Variants in HPRT1 observed in about 807,000 individuals in gnomAD.
The protein encoded by HPRT1 is hypoxanthine-guanine phosphoribosyltransferase.
In HPRT1, 4 loss-of-function variants were observed where a neutral mutation model predicts 19.0. The ratio of observed to expected loss-of-function variants is 0.21; its 90% CI spans 0.10 to 0.48. The LOEUF (loss-of-function observed/expected upper bound fraction) is 0.48, where lower values mean the gene tolerates loss of function less well. Among genes scored for constraint, HPRT1 ranks in the 20% least tolerant of loss-of-function variants. The pLI, the probability that HPRT1 is intolerant of heterozygous loss-of-function variation, is 0.98. For missense variants in HPRT1, 65 were observed against 164.0 expected (o/e 0.40, Z 3.30); for synonymous variants, 53 against 54.9 (o/e 0.97, Z 0.15).
chrX:134,500,377 A>T lies in HPRT1; in HGVS notation c.*300A>T. On this transcript the variant is annotated 3_prime_UTR_variant, in exon 9 of 9. Coordinates refer to ENST00000298556, the MANE Select transcript of HPRT1 (RefSeq NM_000194.3). ...GAAACATTGAACTCATATCTGTAAG[A>T]AATAAAGAGAAGATATATTAGTTTT... The T allele has an allele frequency of 4.4e-6, 1 of 228,311 alleles. No individual in the cohort carries two copies. The highest frequency in any genetic ancestry group is 7.8e-6 in the Non-Finnish European group (1 of 127,432). 18.8% of individuals were successfully genotyped at this position (228,311 alleles called of 1,213,427 possible).
intron 3 of HPRT1, among the ~76,000 whole-genome samples, chrX:134,480,104 T>G (rs909305231): frequency 6.3e-5 from 7 of 111,505 alleles, no homozygotes; most frequent in African/African-American, 2.3e-4. Flanking sequence ...GAAATTATTC[T>G]TAGGATTTGC....
At chrX:134,484,619 T>C (rs898055822) in intron 3 of HPRT1, among the ~76,000 whole-genome samples, 2 of 112,363 alleles carry the variant, frequency 1.8e-5, no homozygotes, top group Non-Finnish European at 3.7e-5. Flanking sequence ...TACAAATTTG[T>C]TTAAATGTTG....
At chrX:134,477,110 G>A (rs1318246690) in intron 3 of HPRT1, among the ~76,000 whole-genome samples, 1 of 103,270 alleles carries the variant, frequency 9.7e-6, no homozygotes, top group Middle Eastern at 4.5e-3. Flanking sequence ...GCCCAGGCTG[G>A]AGTGCAGTGG....
intron 3 of HPRT1, among the ~76,000 whole-genome samples, chrX:134,482,417 C>G (rs2124296091): frequency 8.9e-6 from 1 of 112,044 alleles, no homozygotes; most frequent in East Asian, 2.8e-4. Context: ...CTATGTTGTG[C>G]TAAATGGTAT....
intron 5 of HPRT1, among the ~76,000 whole-genome samples, chrX:134,492,171 A>G (rs746881914): frequency 1.9e-5 from 2 of 105,626 alleles, no homozygotes; most frequent in Non-Finnish European, 3.9e-5. Context: ...TATTATAGGC[A>G]TGAGCCACTG....
chrX:134,486,852 A>G (rs1331350170), intron 4 of HPRT1, among the ~76,000 whole-genome samples: 4 of 108,589 alleles, frequency 3.7e-5, no homozygotes, highest in African/African-American at 6.7e-5. Context: ...ATGTGAGTCT[A>G]TGTGAGGTAG....
chrX:134,497,232 G>T (rs764420810), intron 6 of HPRT1, among the ~76,000 whole-genome samples: 4 of 111,817 alleles, frequency 3.6e-5, no homozygotes, highest in Non-Finnish European at 7.5e-5. Flanking sequence ...GGAAGGCTGA[G>T]GGGGGAGGAT....
At chrX:134,466,963 A>G (rs1426844751) in intron 1 of HPRT1, among the ~76,000 whole-genome samples, 1 of 103,913 alleles carries the variant, frequency 9.6e-6, no homozygotes, top group African/African-American at 3.6e-5. Flanking sequence ...GTCGAATTAG[A>G]TTTTGTTACA....
In HPRT1 at chrX:134,462,479, G is replaced by A. The variant is rs1341628743; in HGVS notation, c.27+2141G>A. Among the ~76,000 whole-genome samples the A allele has an allele frequency of 3.6e-5, 4 of 111,931 alleles. No individual in the cohort carries two copies. In the Admixed American group the frequency reaches 3.8e-4, roughly 11 times the overall value. On this transcript the variant is annotated intron_variant, in intron 1 of 8. Transcript: ENST00000298556. ...TTACAGGCGTGAGCCACTGCGCCCG[G>A]CCTAATATTTGTATTTTTTGTAGAG...
At chrX:134,480,866 A>C (rs1176984012) in intron 3 of HPRT1, among the ~76,000 whole-genome samples, 1 of 104,781 alleles carries the variant, frequency 9.5e-6, no homozygotes, top group East Asian at 3.1e-4. Context: ...CTATAACTTT[A>C]GTGTTGATCT....
chrX:134,474,420 C>CT (rs5903877), intron 2 of HPRT1, among the ~76,000 whole-genome samples: 42,565 of 94,600 alleles, frequency 0.45, 8,644 homozygotes, highest in African/African-American at 0.65. Flanking sequence ...CAATTTGTCT[C>CT]TTTTTTTTTT....
At chrX:134,493,026 G>T (rs2077671684) in intron 5 of HPRT1, among the ~76,000 whole-genome samples, 1 of 111,303 alleles carries the variant, frequency 9.0e-6, no homozygotes, top group Non-Finnish European at 1.9e-5. Context: ...AACAAAGATG[G>T]GTTTGTTTAG....
intron 1 of HPRT1, among the ~76,000 whole-genome samples, chrX:134,469,053 C>T (rs1010785593): frequency 9.0e-6 from 1 of 111,082 alleles, no homozygotes. Flanking sequence ...CCACCTCGCC[C>T]GGCCTTGTAT....
At chrX:134,475,046 A>C in intron 2 of HPRT1, 135 bp from the exon 3 acceptor site, 1 of 472,921 alleles carries the variant, frequency 2.1e-6, no homozygotes, top group Non-Finnish European at 3.6e-6. Context: ...ATGCCTGGCT[A>C]ATTTTTTTTT....
At chrX:134,492,028 T>C (rs1201885475) in intron 5 of HPRT1, among the ~76,000 whole-genome samples, 1 of 98,866 alleles carries the variant, frequency 1.0e-5, no homozygotes, top group African/African-American at 3.8e-5. Context: ...TATACATATA[T>C]ATATATACAC....
chrX:134,481,503 A>G (rs867885966), intron 3 of HPRT1, among the ~76,000 whole-genome samples: 1 of 85,330 alleles, frequency 1.2e-5, no homozygotes, highest in African/African-American at 4.5e-5. Flanking sequence ...CTATCTGTCT[A>G]TCTCTATCTA....
chrX:134,470,990 A>G (rs1469891178), intron 1 of HPRT1, among the ~76,000 whole-genome samples: 2 of 109,544 alleles, frequency 1.8e-5, no homozygotes, highest in Non-Finnish European at 3.8e-5. Context: ...ATTATTTGGT[A>G]TATTTCTCTA....
Position 134,498,703 on chromosome X carries a change from T to G in HPRT1, c.609+19T>G. On this transcript the variant is annotated intron_variant, in intron 8 of 8. Coordinates refer to ENST00000298556, the MANE Select transcript of HPRT1 (RefSeq NM_000194.3). ...TTTGAATGTAAGTAATTGCTTCTTT[T>G]TCTCACTCATTTTTCAAAACACGCA... The G allele has an allele frequency of 2.0e-6, 2 of 1,014,641 alleles. No individual in the cohort carries two copies. Among genetic ancestry groups the G allele is most frequent in the South Asian group, 3.8e-5 (2 of 52,734 alleles). 83.6% of individuals were successfully genotyped at this position (1,014,641 alleles called of 1,213,427 possible).
intron 5 of HPRT1, among the ~76,000 whole-genome samples, chrX:134,491,051 T>TTA (rs1240803675): frequency 1.7e-4 from 18 of 104,072 alleles, no homozygotes; most frequent in Middle Eastern, 4.9e-3. Flanking sequence ...CAGCCTCTCT[T>TTA]TATATATATA....
Sources: allele counts gnomAD v4.1 joint callset (sites outside exome capture counted in the v4.1 genomes callset), GRCh38; gene constraint gnomAD v4.1.1; transcripts MANE v1.5; gene names NCBI Gene and HGNC (gene_info 2026-07-23, HGNC 2026-07-21).